Variants in PGM5 observed in about 807,000 individuals in gnomAD.
PGM5 encodes the protein phosphoglucomutase-like protein 5.
In PGM5, 23 loss-of-function variants were observed where a neutral mutation model predicts 59.2. The ratio of observed to expected loss-of-function variants is 0.39; its 90% CI spans 0.28 to 0.55. PGM5 has a LOEUF of 0.55. Among genes scored for constraint, PGM5 ranks in the 20% least tolerant of loss-of-function variants. PGM5 has a pLI of 0.66. For synonymous variants in PGM5, 214 were observed against 286.0 expected, an observed-to-expected ratio of 0.75 and a Z score of 2.54; for missense variants, 574 against 748.3, an observed-to-expected ratio of 0.77 and a Z score of 2.72.
At chr9:68,371,511 A>G (rs1821729689) in intron 1 of PGM5, 1 of 152,188 alleles carries the variant, frequency 6.6e-6, no homozygotes, top group South Asian at 2.1e-4. Context: ...GGGGAAGACA[A>G]TAGAATAATT....
At chr9:68,411,486 G>GTATATATATATATATATA (rs1279685124) in intron 6 of PGM5, among the ~76,000 whole-genome samples, 4 of 137,912 alleles carry the variant, frequency 2.9e-5, no homozygotes, top group Admixed American at 7.4e-5. Context: ...GTGTGTGTGT[G>GTATATATATATATATATA]TGTATATATA....
At chr9:68,415,394 G>C (rs1402775233) in intron 6 of PGM5, among the ~76,000 whole-genome samples, 5 of 148,430 alleles carry the variant, frequency 3.4e-5, no homozygotes, top group Admixed American at 1.3e-4. Flanking sequence ...GGCCAGCAGG[G>C]GAATTCAGGG....
At chr9:68,463,819 A>G (rs1245255268) in intron 6 of PGM5, among the ~76,000 whole-genome samples, 1 of 152,200 alleles carries the variant, frequency 6.6e-6, no homozygotes, top group African/African-American at 2.4e-5. Context: ...TACAGCAGAC[A>G]GTCTCTGACA....
intron 6 of PGM5, among the ~76,000 whole-genome samples, chr9:68,416,095 C>G (rs1397790195): frequency 2.1e-4 from 32 of 152,168 alleles, no homozygotes; most frequent in African/African-American, 7.7e-4. Context: ...TAACCATGCT[C>G]ATGAGAAGAT....
At chr9:68,395,712 T>C (rs1460615215) in intron 6 of PGM5, 8 of 152,298 alleles carry the variant, frequency 5.3e-5, no homozygotes, top group Non-Finnish European at 1.0e-4. Flanking sequence ...ATGAATGTTT[T>C]ATGAATTTAA....
intron 1 of PGM5, among the ~76,000 whole-genome samples, chr9:68,360,073 G>A (rs1834548943): frequency 6.6e-6 from 1 of 152,030 alleles, no homozygotes; most frequent in Admixed American, 6.6e-5. Context: ...TCAAACTCCT[G>A]ATCTCAAGAG....
chr9:68,513,981 A>G (rs2132114842), intron 10 of PGM5, among the ~76,000 whole-genome samples: 1 of 152,230 alleles, frequency 6.6e-6, no homozygotes, highest in East Asian at 1.9e-4. Flanking sequence ...GCTTAAAAGA[A>G]AGTACTTTTA....
intron 6 of PGM5, among the ~76,000 whole-genome samples, chr9:68,463,978 T>C (rs1452019878): frequency 2.7e-4 from 41 of 152,096 alleles, no homozygotes; most frequent in Admixed American, 2.6e-3. Flanking sequence ...AGGGGAAAAA[T>C]TGTAAGTCAA....
chr9:68,383,329 G>A (rs1587781940), intron 2 of PGM5, among the ~76,000 whole-genome samples: 2 of 152,084 alleles, frequency 1.3e-5, no homozygotes, highest in South Asian at 4.1e-4. Flanking sequence ...TTCACATTGT[G>A]TTTTATTTAA....
intron 1 of PGM5, among the ~76,000 whole-genome samples, chr9:68,363,078 C>T (rs1408618224): frequency 2.0e-5 from 3 of 151,738 alleles, no homozygotes; most frequent in African/African-American, 7.3e-5. Context: ...CCATGTCGGC[C>T]AGGCTGGTCT....
At chr9:68,374,152 T>A (rs1186812952) in intron 1 of PGM5, among the ~76,000 whole-genome samples, 8 of 152,266 alleles carry the variant, frequency 5.3e-5, no homozygotes, top group Non-Finnish European at 5.9e-5. Flanking sequence ...GTCACCACTA[T>A]ACAATCTTCA....
intron 6 of PGM5, among the ~76,000 whole-genome samples, chr9:68,461,686 C>A (rs974549389): frequency 2.6e-5 from 4 of 152,086 alleles, no homozygotes; most frequent in African/African-American, 9.7e-5. Context: ...CTTCACCACA[C>A]CAGATGCTGG....
chr9:68,392,727 T>C (rs1554679632), intron 6 of PGM5, among the ~76,000 whole-genome samples: 1 of 152,108 alleles, frequency 6.6e-6, no homozygotes, highest in Admixed American at 6.6e-5. Context: ...CTGTAAAATG[T>C]GGATAATAAT....
chr9:68,423,657 C>CTG (rs1197536419), intron 6 of PGM5, among the ~76,000 whole-genome samples: 4 of 25,396 alleles, frequency 1.6e-4, no homozygotes, highest in Non-Finnish European at 2.2e-4. Flanking sequence ...CTCTCTCTGT[C>CTG]TCTCTCTCTC....
chr9:68,449,707 G>A (rs559820295), intron 6 of PGM5, among the ~76,000 whole-genome samples: 172 of 152,302 alleles, frequency 1.1e-3, no homozygotes, highest in Middle Eastern at 3.4e-3. Flanking sequence ...TGAAAGGTGG[G>A]CATCAGGATT....
intron 4 of PGM5, among the ~76,000 whole-genome samples, chr9:68,389,925 T>G (rs1350581848): frequency 1.3e-5 from 2 of 152,154 alleles, no homozygotes; most frequent in Non-Finnish European, 2.9e-5. Context: ...TTTTCCATTT[T>G]AGCCATTCTA....
At chr9:68,403,990 C>T (rs1822740881) in intron 6 of PGM5, among the ~76,000 whole-genome samples, 1 of 152,344 alleles carries the variant, frequency 6.6e-6, no homozygotes, top group South Asian at 2.1e-4. Flanking sequence ...TGGAAATTTA[C>T]ATCTTTGCCT....
chr9:68,514,198 G>A (rs901814729), intron 10 of PGM5, among the ~76,000 whole-genome samples: 1 of 152,152 alleles, frequency 6.6e-6, no homozygotes, highest in South Asian at 2.1e-4. Context: ...GGGCGTGGTG[G>A]CATTAGCCTA....
intron 10 of PGM5, among the ~76,000 whole-genome samples, chr9:68,499,746 T>G (rs575929731): frequency 6.1e-4 from 93 of 152,314 alleles, no homozygotes; most frequent in Admixed American, 1.6e-3. Flanking sequence ...CTCCAGACAT[T>G]TGGACCATGA....
Sources: allele counts gnomAD v4.1 joint callset (sites outside exome capture counted in the v4.1 genomes callset), GRCh38; gene constraint gnomAD v4.1.1; transcripts MANE v1.5; gene names NCBI Gene and HGNC (gene_info 2026-07-23, HGNC 2026-07-21).